The following PRSS12 variants were observed in gnomAD, a reference collection of about 807,000 sequenced individuals.
PRSS12 encodes neurotrypsin.
Under a neutral mutation model 104.4 loss-of-function variants are expected in PRSS12, and 85 were observed. The ratio of observed to expected loss-of-function variants is 0.81; its 90% CI spans 0.68 to 0.98. The LOEUF (loss-of-function observed/expected upper bound fraction) is 0.98. PRSS12 is among the 50% of genes least tolerant of loss of function. The pLI is 0.00. For missense variants in PRSS12, 1,141 were observed against 1,139.2 expected (o/e 1.00, Z -0.02); for synonymous variants, 454 against 425.2 (o/e 1.07, Z -0.83).
intron 8 of PRSS12, among the ~76,000 whole-genome samples, chr4:118,304,350 T>G (rs1380809565): frequency 6.6e-6 from 1 of 152,006 alleles, no homozygotes; most frequent in Admixed American, 6.5e-5. Flanking sequence ...TTAAAATGGA[T>G]AGCTGAATCA....
chr4:118,336,655 C>G (rs947389575), intron 2 of PRSS12, among the ~76,000 whole-genome samples: 9 of 152,078 alleles, frequency 5.9e-5, no homozygotes, highest in African/African-American at 1.9e-4. Context: ...AGTTTACATA[C>G]TTTCATCAAT....
intron 4 of PRSS12, among the ~76,000 whole-genome samples, chr4:118,322,391 A>T (rs1417032791): frequency 6.6e-6 from 1 of 152,010 alleles, no homozygotes; most frequent in Non-Finnish European, 1.5e-5. Context: ...CTCTACTAAA[A>T]ATACAAAAAT....
intron 11 of PRSS12, among the ~76,000 whole-genome samples, chr4:118,285,836 G>T (rs1000279361): frequency 3.3e-5 from 5 of 151,486 alleles, no homozygotes; most frequent in African/African-American, 1.2e-4. Context: ...TTTGAGACAA[G>T]ATTTCACTCT....
intron 11 of PRSS12, among the ~76,000 whole-genome samples, chr4:118,292,826 C>T (rs1199804560): frequency 1.3e-5 from 2 of 151,936 alleles, no homozygotes; most frequent in Non-Finnish European, 2.9e-5. Context: ...ACCAGCCTGG[C>T]CAACATGGTA....
chr4:118,326,432 G>T (rs181094729), intron 4 of PRSS12, among the ~76,000 whole-genome samples: 3 of 152,134 alleles, frequency 2.0e-5, no homozygotes, highest in Admixed American at 1.3e-4. Context: ...GGAAACAGAG[G>T]CTCAAAAGTT....
intron 2 of PRSS12, among the ~76,000 whole-genome samples, chr4:118,336,057 C>T (rs954993989): frequency 3.3e-5 from 5 of 152,182 alleles, no homozygotes; most frequent in Non-Finnish European, 5.9e-5. Flanking sequence ...GCTTTGTCTT[C>T]TAATGTGTCA....
rs527840262 is a variant in PRSS12 at position 118,348,144 on chromosome 4, G to A, written c.502+4075C>T. 9.2e-5 allele frequency among the ~76,000 whole-genome samples: 14 copies of A among 152,268 alleles called. No homozygotes were observed. The South Asian group carries it at 2.9e-3, about 32-fold the overall frequency. ...CTTCAGAGGCCAAGGTGGGAGAATT[G>A]CTTGATCCTGAGAGGCAGAGGTTGC... is the stretch of plus-strand genomic sequence containing the variant. On this transcript the variant is annotated intron_variant, in intron 1 of 12. Coordinates refer to ENST00000296498, the MANE Select transcript of PRSS12 (RefSeq NM_003619.4).
chr4:118,318,587 G>A (rs750527380), intron 4 of PRSS12, 31 bp from the exon 5 acceptor site: 1 of 1,603,798 alleles, frequency 6.2e-7, no homozygotes, highest in Non-Finnish European at 8.5e-7. Context: ...AAGGATTCTG[G>A]ATTAGATACC....
At chr4:118,339,013 A>AC (rs1724131720) in intron 1 of PRSS12, among the ~76,000 whole-genome samples, 1 of 152,074 alleles carries the variant, frequency 6.6e-6, no homozygotes, top group South Asian at 2.1e-4. Context: ...AATATACCAC[A>AC]CCCAAAGAGC....
At chr4:118,315,100 T>C (rs894843304) in intron 6 of PRSS12, among the ~76,000 whole-genome samples, 1 of 152,148 alleles carries the variant, frequency 6.6e-6, no homozygotes, top group Admixed American at 6.5e-5. Context: ...AATATTGTGT[T>C]TTCATGATAG....
intron 8 of PRSS12, among the ~76,000 whole-genome samples, chr4:118,301,069 T>G (rs2126029822): frequency 6.6e-6 from 1 of 152,192 alleles, no homozygotes; most frequent in African/African-American, 2.4e-5. Context: ...TTTATTGCAT[T>G]TTTTAAATTT....
rs761815342 is a variant in PRSS12 at position 118,352,547 on chromosome 4, C to CGGA, written c.171_173dup (p.Pro61dup). On this transcript the variant is annotated inframe_insertion, in exon 1 of 13. Coordinates refer to ENST00000296498, the MANE Select transcript of PRSS12 (RefSeq NM_003619.4). Reference sequence around the variant, plus strand: ...GCGGGAAGCGCGGGAGAGGCGGCGGCGGACGCGTCCTCGGGGGCCGCTGCT... The same window carrying CGGA: ...GCGGGAAGCGCGGGAGAGGCGGCGGCGGAGGACGCGTCCTCGGGGGCCGCTGCT... The CGGA allele has an allele frequency of 4.0e-6, 6 of 1,512,484 alleles. No individual in the cohort carries two copies. The South Asian group carries it at 7.4e-5, about 19-fold the overall frequency. 93.7% of individuals were successfully genotyped at this position (1,512,484 alleles called of 1,614,324 possible). A position where few individuals can be genotyped will look rare whatever the true frequency, so the allele number is the denominator to read the frequency against.
At position 118,338,249 on chromosome 4, in the gene PRSS12, C is replaced by T; in HGVS notation, c.568G>A (p.Val190Ile). 2 of 1,614,090 alleles carry T rather than the reference C, an allele frequency of 1.2e-6. No individual in the cohort carries two copies. Among genetic ancestry groups the T allele is most frequent in the African/African-American group, 1.3e-5 (1 of 75,056 alleles). The change falls in exon 2 of 13, where the codon GTT becomes ATT. Residue 190 changes from valine to isoleucine, a missense_variant. By Grantham distance (29) the Val-to-Ile change is conservative. Coordinates refer to ENST00000296498, the MANE Select transcript of PRSS12 (RefSeq NM_003619.4). ...EGTVEVYASG[V>I]WGTVCSSHWD... ...TGGCTGCTACAGACAGTGCCCCAAA[C>T]TCCACTTGCATATACTTCCACTGTG... is the stretch of plus-strand genomic sequence containing the variant.
intron 4 of PRSS12, among the ~76,000 whole-genome samples, chr4:118,331,118 A>G (rs1393760855): frequency 6.6e-6 from 1 of 152,216 alleles, no homozygotes; most frequent in South Asian, 2.1e-4. Context: ...TTGTTATACC[A>G]ATGTTCAGAA....
At chr4:118,290,644 AT>A (rs1743106307) in intron 11 of PRSS12, among the ~76,000 whole-genome samples, 2 of 152,244 alleles carry the variant, frequency 1.3e-5, no homozygotes, top group East Asian at 1.9e-4. Context: ...ACTGTGGAAC[AT>A]TATTATCTTC....
At chr4:118,322,734 C>T (rs944975970) in intron 4 of PRSS12, among the ~76,000 whole-genome samples, 3 of 151,790 alleles carry the variant, frequency 2.0e-5, no homozygotes, top group African/African-American at 7.3e-5. Flanking sequence ...AAGAAAACTG[C>T]TTGGAGTTGT....
chr4:118,334,986 GC>G (rs1724024551), intron 3 of PRSS12, among the ~76,000 whole-genome samples: 1 of 152,212 alleles, frequency 6.6e-6, no homozygotes, highest in Admixed American at 6.5e-5. Context: ...CTTGGAAGAA[GC>G]CCTCATTCAA....
At chr4:118,289,217 AATAAAC>A (rs1266151067) in intron 11 of PRSS12, among the ~76,000 whole-genome samples, 3 of 152,236 alleles carry the variant, frequency 2.0e-5, no homozygotes, top group Non-Finnish European at 4.4e-5. Flanking sequence ...AAGGCAAACA[AATAAAC>A]ATAAAAAGTT....
intron 1 of PRSS12, among the ~76,000 whole-genome samples, chr4:118,346,862 C>A (rs1159628748): frequency 1.3e-5 from 2 of 152,242 alleles, no homozygotes; most frequent in East Asian, 3.9e-4. Flanking sequence ...ATGAAACCAT[C>A]CCCCAGGTCC....
Sources: gnomAD v4.1 joint callset for allele counts (sites outside exome capture counted in the v4.1 genomes callset) on GRCh38, gnomAD v4.1.1 for gene constraint, MANE v1.5 for transcripts, NCBI Gene and HGNC (gene_info 2026-07-23, HGNC 2026-07-21) for gene names.